Variants in FSD1L observed in about 807,000 individuals in gnomAD.
FSD1L encodes the protein fibronectin type III and SPRY domain containing 1 like, also known as FSD1-like protein.
A neutral mutation model predicts 71.6 loss-of-function variants in FSD1L; 45 were observed. The observed-to-expected ratio is 0.63, with a 90% confidence interval of 0.49 to 0.81. FSD1L has a LOEUF of 0.81. Among genes scored for constraint, FSD1L ranks in the 30% least tolerant of loss-of-function variants. The pLI, the probability that FSD1L is intolerant of heterozygous loss-of-function variation, is 0.00. For synonymous variants in FSD1L, 197 were observed against 207.2 expected, an observed-to-expected ratio of 0.95 and a Z score of 0.42; for missense variants, 561 against 618.1, an observed-to-expected ratio of 0.91 and a Z score of 0.98.
intron 1 of FSD1L, among the ~76,000 whole-genome samples, chr9:105,460,229 C>T (rs1464491986): frequency 1.3e-5 from 2 of 152,078 alleles, no homozygotes; most frequent in African/African-American, 4.8e-5. Flanking sequence ...TAGGCCAATA[C>T]AGTTGAAAAG....
intron 9 of FSD1L, 99 bp downstream of exon 9, chr9:105,508,814 C>A: frequency 3.1e-6 from 2 of 640,034 alleles, no homozygotes; most frequent in Non-Finnish European, 2.6e-6. Flanking sequence ...TGTTGAATTA[C>A]TTCTCTACTT....
At chr9:105,522,570 T>A in intron 10 of FSD1L, 1 of 1,613,618 alleles carries the variant, frequency 6.2e-7, no homozygotes, top group Non-Finnish European at 8.5e-7. Flanking sequence ...CAGACATTTT[T>A]CACAAAGTGA....
In FSD1L at chr9:105,547,358, T is replaced by C. The variant is rs908097588; in HGVS notation, c.*875T>C. The C allele has an allele frequency of 4.6e-5, 7 of 152,480 alleles. No individual in the cohort carries two copies. The highest frequency in any genetic ancestry group is 8.8e-5 in the Non-Finnish European group (6 of 67,930). 9.4% of individuals were successfully genotyped at this position (152,480 alleles called of 1,614,324 possible). A position where few individuals can be genotyped will look rare whatever the true frequency, so the allele number is the denominator to read the frequency against. ...AATTATGCTGATTTTTAGCATCTCT[T>C]ATAGGAATCAAAGTTTATTAAAGTT... On this transcript the variant is annotated 3_prime_UTR_variant, in exon 14 of 14. Transcript: ENST00000481272.
intron 10 of FSD1L, chr9:105,530,434 A>G: frequency 2.0e-6 from 1 of 506,722 alleles, no homozygotes; most frequent in East Asian, 3.3e-5. Flanking sequence ...CTCTGAAATT[A>G]AACTGCCAAT....
chr9:105,511,872 A>G (rs1589047420), intron 9 of FSD1L, among the ~76,000 whole-genome samples: 1 of 152,160 alleles, frequency 6.6e-6, no homozygotes, highest in East Asian at 1.9e-4. Flanking sequence ...TAAGTGAAAT[A>G]GGGTTCTGTA....
Position 105,524,123 on chromosome 9 carries a change from A to G in FSD1L, c.1026-10370A>G, listed in dbSNP as rs556570066. 3.4e-5 allele frequency: 55 copies of G among 1,612,230 alleles called. No homozygotes were observed. The Middle Eastern group carries it at 6.8e-4, about 20-fold the overall frequency. On this transcript the variant is annotated intron_variant, in intron 10 of 13. Coordinates refer to ENST00000481272, the MANE Select transcript of FSD1L (RefSeq NM_001145313.3). The stretch of plus-strand genomic sequence containing the variant: ...GAGATGAGCCCTCTGGTCCTGCACG[A>G]TGTGTAGCACTTTGTAGTTTAGGTA...
intron 7 of FSD1L, among the ~76,000 whole-genome samples, chr9:105,504,914 G>T (rs1228779225): frequency 1.3e-5 from 2 of 152,184 alleles, no homozygotes; most frequent in Non-Finnish European, 2.9e-5. Context: ...AATTGAGCAT[G>T]ATAATACAGA....
At chr9:105,486,405 A>C (rs1259175887) in intron 7 of FSD1L, among the ~76,000 whole-genome samples, 2 of 152,160 alleles carry the variant, frequency 1.3e-5, no homozygotes. Context: ...TTTAGTTTTG[A>C]AAATTTGAGG....
At chr9:105,494,810 C>T (rs891429932) in intron 7 of FSD1L, among the ~76,000 whole-genome samples, 11 of 152,140 alleles carry the variant, frequency 7.2e-5, no homozygotes, top group African/African-American at 2.7e-4. Context: ...GGCTGCAGAA[C>T]AGTGGATTTT....
At chr9:105,495,712 C>G (rs1348340146) in intron 7 of FSD1L, among the ~76,000 whole-genome samples, 3 of 152,178 alleles carry the variant, frequency 2.0e-5, no homozygotes, top group Admixed American at 2.0e-4. Flanking sequence ...CGCGGTGGCT[C>G]ACGCCTGTAA....
At chr9:105,524,884 G>A in intron 10 of FSD1L, 1 of 1,592,684 alleles carries the variant, frequency 6.3e-7, no homozygotes, top group Non-Finnish European at 8.6e-7. Flanking sequence ...TACAGTGAAA[G>A]TACTGAACTT....
At chr9:105,528,844 A>G (rs905945399) in intron 10 of FSD1L, among the ~76,000 whole-genome samples, 7 of 152,254 alleles carry the variant, frequency 4.6e-5, no homozygotes, top group African/African-American at 1.7e-4. Flanking sequence ...GTGAACAGGC[A>G]ACCTACAGAA....
At chr9:105,490,512 A>G (rs1408987812) in intron 7 of FSD1L, among the ~76,000 whole-genome samples, 2,212 of 151,078 alleles carry the variant, frequency 0.015, 43 homozygotes, top group African/African-American at 0.052. Context: ...TAGTTTAATT[A>G]GATCCCAGTT....
intron 7 of FSD1L, among the ~76,000 whole-genome samples, chr9:105,500,130 A>G (rs959253701): frequency 6.6e-6 from 1 of 152,154 alleles, no homozygotes; most frequent in African/African-American, 2.4e-5. Context: ...GAGCCCTCAG[A>G]ATATTATAGC....
Position 105,539,405 on chromosome 9 carries a change from C to G in FSD1L, c.1467+54C>G, listed in dbSNP as rs1429854429. ...CTAACATATTTTACTTGGTTGGCAA[C>G]TTTAAGGAGAATATTCTATACTGTA... On this transcript the variant is annotated intron_variant, in intron 13 of 13. Coordinates refer to ENST00000481272, the MANE Select transcript of FSD1L (RefSeq NM_001145313.3). 11 of 770,770 alleles carry G rather than the reference C, an allele frequency of 1.4e-5. No homozygotes were observed. The East Asian group carries it at 2.9e-4, about 21-fold the overall frequency. The allele number at this position is 770,770 out of a possible 1,614,324, so 47.7% of individuals were successfully genotyped here. A position where few individuals can be genotyped will look rare whatever the true frequency, so the allele number is the denominator to read the frequency against.
At position 105,498,460 on chromosome 9, in the gene FSD1L, C is replaced by T. The variant is rs183847111; in HGVS notation, c.587-7939C>T. Among the ~76,000 whole-genome samples, 297 of 152,092 alleles carry T rather than the reference C, an allele frequency of 2.0e-3. 1 individual carries two copies. Among genetic ancestry groups the T allele is most frequent in the Middle Eastern group, 0.014 (4 of 294 alleles). On this transcript the variant is annotated intron_variant, in intron 7 of 13. Transcript: ENST00000481272. ...GGCTACAAACCTGTACAGCATGTTA[C>T]TGTACTGAATACTGTAAGCAGTTGT...
intron 7 of FSD1L, among the ~76,000 whole-genome samples, chr9:105,495,480 C>T (rs973855753): frequency 5.9e-4 from 90 of 152,344 alleles, no homozygotes; most frequent in African/African-American, 7.5e-4. Context: ...CGCCCTGCTT[C>T]GGCTCGTGCA....
At chr9:105,518,986 A>C (rs958366312) in intron 10 of FSD1L, among the ~76,000 whole-genome samples, 1 of 152,242 alleles carries the variant, frequency 6.6e-6, no homozygotes, top group Admixed American at 6.5e-5. Context: ...ATCACCATTG[A>C]TCCCACAGAA....
intron 7 of FSD1L, among the ~76,000 whole-genome samples, chr9:105,489,538 G>C (rs1052650152): frequency 3.3e-5 from 5 of 151,954 alleles, no homozygotes; most frequent in African/African-American, 1.2e-4. Flanking sequence ...AAGTTTTAGG[G>C]TACATTTGTA....
Sources: gnomAD v4.1 joint callset for allele counts (sites outside exome capture counted in the v4.1 genomes callset) on GRCh38, gnomAD v4.1.1 for gene constraint, MANE v1.5 for transcripts, NCBI Gene and HGNC (gene_info 2026-07-23, HGNC 2026-07-21) for gene names.